Variants in CDH18 observed in about 807,000 individuals in gnomAD.
CDH18 encodes cadherin 18, also known as cadherin-18.
CDH18 carries 31 observed loss-of-function variants against 67.9 expected under a neutral mutation model. The observed-to-expected ratio is 0.46, with a 90% CI of 0.34 to 0.62. The LOEUF is 0.62. Among genes scored for constraint, CDH18 ranks in the 20% least tolerant of loss-of-function variants. The pLI is 0.01. For missense variants in CDH18, 890 were observed against 975.5 expected, an observed-to-expected ratio of 0.91 and a Z score of 1.17; for synonymous variants, 362 against 347.2, an observed-to-expected ratio of 1.04 and a Z score of -0.48.
chr5:19,951,884 G>A (rs1795825335), intron 2 of CDH18, among the ~76,000 whole-genome samples: 2 of 152,046 alleles, frequency 1.3e-5, no homozygotes, highest in African/African-American at 4.8e-5. Flanking sequence ...TATCAAATCT[G>A]TTACATTCTA....
At chr5:20,236,407 T>G (rs1742479289) in intron 2 of CDH18, among the ~76,000 whole-genome samples, 1 of 151,746 alleles carries the variant, frequency 6.6e-6, no homozygotes, top group African/African-American at 2.4e-5. Context: ...CCCAGAAATA[T>G]TATGTTTCAA....
At chr5:19,741,516 T>G (rs954901648) in intron 4 of CDH18, among the ~76,000 whole-genome samples, 2 of 151,988 alleles carry the variant, frequency 1.3e-5, no homozygotes, top group African/African-American at 4.8e-5. Context: ...GCAAATAACT[T>G]CATTTTATTC....
intron 5 of CDH18, among the ~76,000 whole-genome samples, chr5:19,704,570 G>A (rs1415476987): frequency 6.6e-6 from 1 of 152,114 alleles, no homozygotes; most frequent in East Asian, 1.9e-4. Flanking sequence ...GCGTCAAGCA[G>A]AAAGACAAAG....
intron 5 of CDH18, among the ~76,000 whole-genome samples, chr5:19,705,365 G>A (rs1331556732): frequency 2.0e-5 from 3 of 152,102 alleles, no homozygotes; most frequent in Non-Finnish European, 2.9e-5. Context: ...AACATTAAAT[G>A]ACTTCCAAAA....
intron 2 of CDH18, among the ~76,000 whole-genome samples, chr5:19,919,920 A>C (rs932691716): frequency 3.3e-5 from 5 of 152,186 alleles, no homozygotes; most frequent in Non-Finnish European, 7.4e-5. Context: ...TTAAAGTGTC[A>C]TATCTATGTT....
At chr5:20,159,697 G>T (rs1391651389) in intron 2 of CDH18, among the ~76,000 whole-genome samples, 2 of 152,102 alleles carry the variant, frequency 1.3e-5, no homozygotes, top group African/African-American at 2.4e-5. Flanking sequence ...TCTACCTAAA[G>T]AGACTGATGG....
chr5:19,836,845 A>G (rs1781701512), intron 3 of CDH18, among the ~76,000 whole-genome samples: 2 of 152,010 alleles, frequency 1.3e-5, no homozygotes, highest in African/African-American at 4.8e-5. Flanking sequence ...TAATTTTTGT[A>G]TAAGGTGTAA....
At chr5:19,897,314 A>T (rs567091442) in intron 2 of CDH18, among the ~76,000 whole-genome samples, 19 of 152,286 alleles carry the variant, frequency 1.2e-4, no homozygotes, top group African/African-American at 4.6e-4. Context: ...GTTGCTAAAC[A>T]TATAAAACAA....
At chr5:20,376,091 A>ATTTTTTTGTTTT (rs1743397923) in intron 1 of CDH18, among the ~76,000 whole-genome samples, 1 of 49,748 alleles carries the variant, frequency 2.0e-5, no homozygotes, top group Non-Finnish European at 3.8e-5. Flanking sequence ...AAAAGAAACA[A>ATTTTTTTGTTTT]TTTTTTTTTT....
intron 2 of CDH18, among the ~76,000 whole-genome samples, chr5:20,087,911 T>A (rs932557522): frequency 2.2e-4 from 34 of 152,160 alleles, no homozygotes; most frequent in African/African-American, 8.0e-4. Flanking sequence ...TTCTCTTCTC[T>A]AAAGTTCATA....
intron 1 of CDH18, among the ~76,000 whole-genome samples, chr5:20,378,969 T>C (rs935008754): frequency 1.3e-5 from 2 of 152,144 alleles, no homozygotes; most frequent in African/African-American, 2.4e-5. Flanking sequence ...CTGGAAAAGA[T>C]TGCACATACT....
intron 2 of CDH18, among the ~76,000 whole-genome samples, chr5:19,847,014 G>C (rs1783052704): frequency 6.6e-6 from 1 of 151,880 alleles, no homozygotes; most frequent in African/African-American, 2.4e-5. Flanking sequence ...TCTTGTGGAA[G>C]TTCTCTTTCA....
intron 1 of CDH18, among the ~76,000 whole-genome samples, chr5:20,409,091 T>G (rs947971589): frequency 1.3e-5 from 2 of 151,802 alleles, no homozygotes; most frequent in African/African-American, 4.8e-5. Context: ...TTCACAAAAT[T>G]GAAGGGAAGA....
intron 2 of CDH18, among the ~76,000 whole-genome samples, chr5:20,183,664 A>T (rs1254318103): frequency 6.6e-6 from 1 of 152,094 alleles, no homozygotes; most frequent in Non-Finnish European, 1.5e-5. Context: ...TTAATATAGC[A>T]TTTAGCACAT....
chr5:20,086,951 T>C (rs542609615), intron 2 of CDH18, among the ~76,000 whole-genome samples: 1 of 152,330 alleles, frequency 6.6e-6, no homozygotes, highest in East Asian at 1.9e-4. Flanking sequence ...CTTAATGCTA[T>C]AGCTGCCATA....
At chr5:20,008,517 C>T (rs904004362) in intron 2 of CDH18, among the ~76,000 whole-genome samples, 3 of 152,190 alleles carry the variant, frequency 2.0e-5, no homozygotes, top group East Asian at 3.9e-4. Context: ...GTGTTTCCCA[C>T]GAAAGTTAAT....
At chr5:19,743,913 T>G (rs1769581650) in intron 4 of CDH18, among the ~76,000 whole-genome samples, 1 of 99,510 alleles carries the variant, frequency 1.0e-5, no homozygotes, top group East Asian at 2.8e-4. Flanking sequence ...AGAGTGAGAC[T>G]CTTGTCTCAA....
intron 7 of CDH18, among the ~76,000 whole-genome samples, chr5:19,586,119 T>C (rs1240214239): frequency 6.6e-6 from 1 of 152,224 alleles, no homozygotes; most frequent in Non-Finnish European, 1.5e-5. Context: ...AAAATCTGTC[T>C]TGATACAGAG....
intron 1 of CDH18, among the ~76,000 whole-genome samples, chr5:20,312,453 CA>C (rs1737080286): frequency 1.3e-5 from 2 of 152,116 alleles, no homozygotes; most frequent in Non-Finnish European, 2.9e-5. Context: ...TATGTCTGTT[CA>C]TTTTTACCAC....
Sources: gnomAD v4.1 joint callset for allele counts (sites outside exome capture counted in the v4.1 genomes callset) on GRCh38, gnomAD v4.1.1 for gene constraint, MANE v1.5 for transcripts, NCBI Gene and HGNC (gene_info 2026-07-23, HGNC 2026-07-21) for gene names.